GRM8: variants seen among roughly 807,000 people sequenced by gnomAD.
GRM8 encodes glutamate metabotropic receptor 8.
GRM8 carries 47 observed loss-of-function variants against 87.2 expected under a neutral mutation model. That is an observed-to-expected ratio of 0.54 (90% CI 0.43 to 0.69). The LOEUF (loss-of-function observed/expected upper bound fraction) is 0.69. Among genes scored for constraint, GRM8 ranks in the 30% least tolerant of loss-of-function variants. GRM8 has a pLI of 0.00. For synonymous variants in GRM8, 396 were observed against 404.5 expected (o/e 0.98, Z 0.25); for missense variants, 1,019 against 1,139.2 (o/e 0.89, Z 1.52).
At chr7:126,841,632 A>T (rs908310080) in intron 6 of GRM8, among the ~76,000 whole-genome samples, 30 of 145,380 alleles carry the variant, frequency 2.1e-4, no homozygotes, top group African/African-American at 3.3e-4. Flanking sequence ...TTGGATTATT[A>T]TTTTTTTTTT....
At chr7:126,480,606 A>C (rs1214772430) in intron 9 of GRM8, among the ~76,000 whole-genome samples, 3 of 152,140 alleles carry the variant, frequency 2.0e-5, no homozygotes, top group Admixed American at 2.0e-4. Flanking sequence ...TGTGTGAGAA[A>C]GAAGGTACAA....
chr7:126,918,694 G>A (rs913771696), intron 3 of GRM8, among the ~76,000 whole-genome samples: 11 of 152,100 alleles, frequency 7.2e-5, no homozygotes, highest in African/African-American at 2.7e-4. Flanking sequence ...TGCAAGCCAG[G>A]TCAATATTGC....
intron 9 of GRM8, among the ~76,000 whole-genome samples, chr7:126,502,807 C>T (rs1025035686): frequency 1.3e-5 from 2 of 151,990 alleles, no homozygotes; most frequent in African/African-American, 4.8e-5. Flanking sequence ...CCAATATGGA[C>T]TCAGAGTTAA....
chr7:127,240,356 C>A (rs1236272550), intron 2 of GRM8, among the ~76,000 whole-genome samples: 1 of 150,886 alleles, frequency 6.6e-6, no homozygotes, highest in African/African-American at 2.4e-5. Context: ...TGCATTTTCT[C>A]ATTAAATATA....
At chr7:127,058,999 T>C (rs958498036) in intron 3 of GRM8, among the ~76,000 whole-genome samples, 5 of 152,164 alleles carry the variant, frequency 3.3e-5, no homozygotes, top group Non-Finnish European at 5.9e-5. Flanking sequence ...GAAGAAACAG[T>C]GTCACCTTGA....
intron 3 of GRM8, among the ~76,000 whole-genome samples, chr7:126,974,555 C>T (rs369349679): frequency 6.6e-6 from 1 of 152,106 alleles, no homozygotes; most frequent in East Asian, 1.9e-4. Flanking sequence ...AAAGTACATA[C>T]TGGAACTGAT....
intron 8 of GRM8, among the ~76,000 whole-genome samples, chr7:126,546,412 A>T (rs991028564): frequency 6.6e-6 from 1 of 152,116 alleles, no homozygotes; most frequent in Non-Finnish European, 1.5e-5. Context: ...TTGAAAACCA[A>T]CTCTATTAGG....
At chr7:127,197,375 G>A (rs1795340909) in intron 2 of GRM8, among the ~76,000 whole-genome samples, 1 of 152,204 alleles carries the variant, frequency 6.6e-6, no homozygotes, top group Admixed American at 6.5e-5. Flanking sequence ...CAACATTTTA[G>A]TTTGTACTTG....
chr7:126,919,221 C>T (rs1428945807), intron 3 of GRM8, among the ~76,000 whole-genome samples: 1 of 152,112 alleles, frequency 6.6e-6, no homozygotes, highest in Non-Finnish European at 1.5e-5. Flanking sequence ...AGATGTGTAA[C>T]ATTTGTGGCT....
chr7:127,153,606 G>A (rs924065836), intron 2 of GRM8, among the ~76,000 whole-genome samples: 2 of 152,046 alleles, frequency 1.3e-5, no homozygotes, highest in Non-Finnish European at 2.9e-5. Context: ...GGGAAATAGC[G>A]GATAATTAGG....
At chr7:126,722,456 T>G (rs1354409201) in intron 7 of GRM8, among the ~76,000 whole-genome samples, 4 of 152,192 alleles carry the variant, frequency 2.6e-5, no homozygotes, top group African/African-American at 9.6e-5. Flanking sequence ...TTTTAGATCT[T>G]TCTGCCTCAG....
At chr7:127,246,035 T>G (rs12706770) in intron 1 of GRM8, among the ~76,000 whole-genome samples, 17,740 of 152,244 alleles carry the variant, frequency 0.12, 1,284 homozygotes, top group Middle Eastern at 0.26. Context: ...GTTTGTCACT[T>G]TAAAAAATAA....
At chr7:126,972,589 A>G (rs888018258) in intron 3 of GRM8, among the ~76,000 whole-genome samples, 1 of 152,004 alleles carries the variant, frequency 6.6e-6, no homozygotes, top group Admixed American at 6.6e-5. Context: ...TTCTATCTGC[A>G]TTACAAATGC....
chr7:126,913,331 C>T (rs13309775), intron 3 of GRM8, among the ~76,000 whole-genome samples: 132 of 152,266 alleles, frequency 8.7e-4, no homozygotes, highest in African/African-American at 2.2e-3. Context: ...TAGAGCTACA[C>T]GACAGACCTT....
intron 3 of GRM8, among the ~76,000 whole-genome samples, chr7:126,918,487 TAA>T (rs1380301527): frequency 6.6e-6 from 1 of 152,128 alleles, no homozygotes; most frequent in Non-Finnish European, 1.5e-5. Flanking sequence ...GAAAAAAAAT[TAA>T]GTTAGCCATT....
intron 3 of GRM8, among the ~76,000 whole-genome samples, chr7:127,074,761 C>G (rs1822086913): frequency 6.6e-6 from 1 of 152,302 alleles, no homozygotes; most frequent in South Asian, 2.1e-4. Context: ...CTTTTAAAAG[C>G]TAGACTGATA....
At chr7:127,163,317 G>T (rs1160586507) in intron 2 of GRM8, among the ~76,000 whole-genome samples, 1 of 152,146 alleles carries the variant, frequency 6.6e-6, no homozygotes, top group East Asian at 1.9e-4. Flanking sequence ...CCAGGGATGA[G>T]AAAGTAGGAA....
chr7:126,514,213 C>A (rs143694915), intron 9 of GRM8, among the ~76,000 whole-genome samples: 93 of 152,196 alleles, frequency 6.1e-4, no homozygotes, highest in Middle Eastern at 6.8e-3. Flanking sequence ...GTTTTTGTTT[C>A]TCTCATTGAC....
chr7:127,028,717 T>TAAATTTGA (rs1817057444), intron 3 of GRM8, among the ~76,000 whole-genome samples: 1 of 152,124 alleles, frequency 6.6e-6, no homozygotes, highest in Non-Finnish European at 1.5e-5. Flanking sequence ...TATTTGATCC[T>TAAATTTGA]TCTTTCTTTT....
Sources: gnomAD v4.1 joint callset for allele counts (sites outside exome capture counted in the v4.1 genomes callset) on GRCh38, gnomAD v4.1.1 for gene constraint, MANE v1.5 for transcripts, NCBI Gene and HGNC (gene_info 2026-07-23, HGNC 2026-07-21) for gene names.